Variants in NTM observed in about 807,000 individuals in gnomAD.
NTM encodes IgLON family member 2.
In NTM, 13 loss-of-function variants were observed where a neutral mutation model predicts 42.1. The observed-to-expected ratio is 0.31, with a 90% CI of 0.20 to 0.49. The LOEUF is 0.49. Ranked by LOEUF, NTM falls within the 20% of genes least tolerant of loss-of-function variation. The pLI is 0.99. For synonymous variants in NTM, 187 were observed against 179.2 expected (o/e 1.04, Z -0.35); for missense variants, 373 against 452.8 (o/e 0.82, Z 1.60).
At chr11:131,557,216 T>A (rs2055562704) in intron 1 of NTM, among the ~76,000 whole-genome samples, 1 of 152,232 alleles carries the variant, frequency 6.6e-6, no homozygotes, top group African/African-American at 2.4e-5. Context: ...TTGCTATGTA[T>A]GTCTCAGTGG....
intron 1 of NTM, among the ~76,000 whole-genome samples, chr11:131,772,620 C>A (rs569139597): frequency 6.8e-4 from 104 of 152,292 alleles, no homozygotes; most frequent in African/African-American, 2.4e-3. Flanking sequence ...TACTTCCTTA[C>A]TTCCAAGTCT....
chr11:131,915,317 C>T (rs980138898), intron 2 of NTM, among the ~76,000 whole-genome samples: 13 of 152,230 alleles, frequency 8.5e-5, no homozygotes, highest in Admixed American at 8.5e-4. Context: ...TAATGTCTTC[C>T]CTATTCATTT....
At chr11:132,189,622 C>T (rs949501995) in intron 3 of NTM, among the ~76,000 whole-genome samples, 1 of 149,706 alleles carries the variant, frequency 6.7e-6, no homozygotes, top group Admixed American at 6.7e-5. Context: ...AGTTGCCTTG[C>T]CCACTGATTC....
At chr11:131,560,810 G>T (rs2056126115) in intron 1 of NTM, among the ~76,000 whole-genome samples, 1 of 151,852 alleles carries the variant, frequency 6.6e-6, no homozygotes, top group South Asian at 2.1e-4. Flanking sequence ...GTTTCCTTTG[G>T]CTCCAGAGCT....
intron 1 of NTM, among the ~76,000 whole-genome samples, chr11:131,858,928 TAGAG>T (rs1431452370): frequency 6.6e-6 from 1 of 152,214 alleles, no homozygotes; most frequent in Non-Finnish European, 1.5e-5. Flanking sequence ...AAGTAGCTAG[TAGAG>T]AGCAACTTCA....
At chr11:132,295,591 T>C (rs1288422420) in intron 4 of NTM, among the ~76,000 whole-genome samples, 2 of 152,180 alleles carry the variant, frequency 1.3e-5, no homozygotes, top group Non-Finnish European at 2.9e-5. Context: ...GCTGGGATAG[T>C]TTTGAAGGCT....
intron 1 of NTM, among the ~76,000 whole-genome samples, chr11:131,635,809 C>T (rs1284349510): frequency 6.6e-6 from 1 of 152,194 alleles, no homozygotes; most frequent in East Asian, 1.9e-4. Context: ...GTCCTGCAAA[C>T]TCCATTCATA....
At chr11:131,541,267 C>T (rs1303552371) in intron 1 of NTM, among the ~76,000 whole-genome samples, 1 of 152,192 alleles carries the variant, frequency 6.6e-6, no homozygotes, top group Non-Finnish European at 1.5e-5. Flanking sequence ...AATGCCTCAT[C>T]CCGAACCCAG....
At chr11:132,125,855 C>G (rs1449132745) in intron 2 of NTM, among the ~76,000 whole-genome samples, 2 of 145,126 alleles carry the variant, frequency 1.4e-5, no homozygotes, top group Admixed American at 1.4e-4. Flanking sequence ...TGGGTGTATG[C>G]TGTGGTATGT....
chr11:131,819,681 T>C (rs942524377), intron 1 of NTM, among the ~76,000 whole-genome samples: 5 of 152,154 alleles, frequency 3.3e-5, no homozygotes, highest in African/African-American at 9.7e-5. Context: ...CTTGTCCCCA[T>C]TTCCAAGCTC....
intron 1 of NTM, among the ~76,000 whole-genome samples, chr11:131,448,039 C>T (rs1178558264): frequency 1.3e-5 from 2 of 152,228 alleles, no homozygotes; most frequent in Non-Finnish European, 2.9e-5. Flanking sequence ...GGTTGCACCC[C>T]CACCCTGCCC....
intron 2 of NTM, among the ~76,000 whole-genome samples, chr11:131,962,666 C>G (rs1045794857): frequency 6.6e-6 from 1 of 152,170 alleles, no homozygotes; most frequent in African/African-American, 2.4e-5. Context: ...TCTAACTGGC[C>G]AAGACACTAA....
At chr11:131,948,141 C>T (rs192822105) in intron 2 of NTM, among the ~76,000 whole-genome samples, 420 of 152,114 alleles carry the variant, frequency 2.8e-3, no homozygotes, top group African/African-American at 9.9e-3. Context: ...GTGGGCTGAT[C>T]ACGAGGTCAG....
At chr11:132,054,556 T>C (rs905936933) in intron 2 of NTM, among the ~76,000 whole-genome samples, 18 of 152,202 alleles carry the variant, frequency 1.2e-4, no homozygotes, top group Admixed American at 9.8e-4. Flanking sequence ...GGCAGATGGA[T>C]GGAGGCAGAG....
chr11:131,557,074 A>G (rs1309026656), intron 1 of NTM, among the ~76,000 whole-genome samples: 2 of 151,830 alleles, frequency 1.3e-5, no homozygotes. Context: ...TTTTTTTAAC[A>G]GTGTGTCATG....
At chr11:131,530,383 A>G (rs1413702557) in intron 1 of NTM, among the ~76,000 whole-genome samples, 4 of 149,958 alleles carry the variant, frequency 2.7e-5, no homozygotes, top group Admixed American at 6.7e-5. Flanking sequence ...AAAAAGAATG[A>G]ATTTACTGTG....
At chr11:132,305,426 C>T (rs1051840311) in intron 4 of NTM, among the ~76,000 whole-genome samples, 20 of 152,160 alleles carry the variant, frequency 1.3e-4, no homozygotes, top group African/African-American at 3.6e-4. Context: ...CCTAATGCTG[C>T]GGCACTGTTA....
intron 2 of NTM, among the ~76,000 whole-genome samples, chr11:132,108,917 A>T (rs1345531110): frequency 6.6e-6 from 1 of 152,024 alleles, no homozygotes; most frequent in Admixed American, 6.6e-5. Context: ...ATGTGTTCTC[A>T]TTGTTCAACT....
intron 4 of NTM, among the ~76,000 whole-genome samples, chr11:132,301,679 G>T (rs2094865331): frequency 6.6e-6 from 1 of 152,226 alleles, no homozygotes; most frequent in South Asian, 2.1e-4. Context: ...GATGCAACCT[G>T]AGATGGTGGA....
Sources: gnomAD v4.1 joint callset for allele counts (sites outside exome capture counted in the v4.1 genomes callset) on GRCh38, gnomAD v4.1.1 for gene constraint, MANE v1.5 for transcripts, NCBI Gene and HGNC (gene_info 2026-07-23, HGNC 2026-07-21) for gene names.